Variants in CCDC91 observed in about 807,000 individuals in gnomAD.
The protein encoded by CCDC91 is coiled-coil domain-containing protein 91.
Under a neutral mutation model 63.2 loss-of-function variants are expected in CCDC91, and 48 were observed. The observed-to-expected ratio is 0.76, with a 90% CI of 0.60 to 0.97. The LOEUF (loss-of-function observed/expected upper bound fraction) is 0.97. CCDC91 is among the 50% of genes least tolerant of loss of function. CCDC91 has a pLI of 0.00. For missense variants in CCDC91, 500 were observed against 494.6 expected (o/e 1.01, Z -0.10); for synonymous variants, 167 against 165.8 (o/e 1.01, Z -0.06).
intron 8 of CCDC91, among the ~76,000 whole-genome samples, chr12:28,417,617 T>TGA (rs1191075256): frequency 6.7e-4 from 53 of 78,590 alleles, no homozygotes; most frequent in Middle Eastern, 5.7e-3. Context: ...CGTGAACCTT[T>TGA]GAGATATATA....
At chr12:28,275,936 A>G (rs1948187370) in intron 3 of CCDC91, among the ~76,000 whole-genome samples, 1 of 152,078 alleles carries the variant, frequency 6.6e-6, no homozygotes, top group South Asian at 2.1e-4. Flanking sequence ...TCATGCGAAA[A>G]ACTCTCAATA....
At chr12:28,307,570 C>T (rs1938875234) in intron 5 of CCDC91, 75 bp from the exon 6 acceptor site, 2 of 723,758 alleles carry the variant, frequency 2.8e-6, no homozygotes, top group Non-Finnish European at 2.3e-6. Context: ...TGTTTTCTGA[C>T]ATGTTCATTG....
chr12:28,475,497 C>T (rs1340319058), intron 11 of CCDC91, among the ~76,000 whole-genome samples: 2 of 152,034 alleles, frequency 1.3e-5, no homozygotes, highest in South Asian at 2.1e-4. Flanking sequence ...ATAGAGTTTA[C>T]AGAAGGGCTT....
intron 8 of CCDC91, among the ~76,000 whole-genome samples, chr12:28,419,338 A>G (rs1565943471): frequency 6.6e-6 from 1 of 152,204 alleles, no homozygotes; most frequent in African/African-American, 2.4e-5. Context: ...TAAAACTATC[A>G]TAACTATCAT....
Position 28,440,357 on chromosome 12 carries a change from G to A in CCDC91, c.763-9804G>A, listed in dbSNP as rs540652740. On this transcript the variant is annotated intron_variant, in intron 8 of 12. Coordinates refer to ENST00000536442, the MANE Select transcript of CCDC91 (RefSeq NM_018318.5). Reference sequence around the variant, plus strand: ...GCTGTGAAATGAACACAGCCTGCATGTGTCCTATGCCTTTAACCCAGTTCG... The same window carrying A: ...GCTGTGAAATGAACACAGCCTGCATATGTCCTATGCCTTTAACCCAGTTCG... 5.9e-4 allele frequency among the ~76,000 whole-genome samples: 90 copies of A among 152,286 alleles called. 1 individual carries two copies. The highest frequency in any genetic ancestry group is 2.0e-3 in the African/African-American group (84 of 41,572).
chr12:28,454,933 C>T (rs563577967), intron 11 of CCDC91, among the ~76,000 whole-genome samples: 20 of 152,064 alleles, frequency 1.3e-4, no homozygotes, highest in African/African-American at 1.7e-4. Context: ...GTGCATGCGT[C>T]GTTGTAAATT....
At chr12:28,377,782 A>G (rs1945041047) in intron 7 of CCDC91, among the ~76,000 whole-genome samples, 1 of 151,958 alleles carries the variant, frequency 6.6e-6, no homozygotes, top group Non-Finnish European at 1.5e-5. Flanking sequence ...AGACATACAG[A>G]CACACAAACT....
intron 3 of CCDC91, among the ~76,000 whole-genome samples, chr12:28,299,877 A>C (rs1937860972): frequency 6.7e-6 from 1 of 150,092 alleles, no homozygotes; most frequent in Admixed American, 6.6e-5. Flanking sequence ...AATGTTCTTT[A>C]TTTATTAGGA....
intron 8 of CCDC91, among the ~76,000 whole-genome samples, chr12:28,391,975 G>A (rs1431725428): frequency 6.6e-6 from 1 of 151,996 alleles, no homozygotes; most frequent in Non-Finnish European, 1.5e-5. Flanking sequence ...TATAAAATTT[G>A]GAATGTGAAA....
At chr12:28,261,980 A>G (rs1946849494) in intron 3 of CCDC91, among the ~76,000 whole-genome samples, 1 of 152,050 alleles carries the variant, frequency 6.6e-6, no homozygotes, top group African/African-American at 2.4e-5. Flanking sequence ...AGTTAAAGAC[A>G]TGGTGCATGT....
At chr12:28,248,480 T>G (rs927989167) in intron 1 of CCDC91, among the ~76,000 whole-genome samples, 1 of 152,140 alleles carries the variant, frequency 6.6e-6, no homozygotes, top group African/African-American at 2.4e-5. Context: ...CACCAAAATT[T>G]AAAGGATAGG....
intron 12 of CCDC91, among the ~76,000 whole-genome samples, chr12:28,502,233 G>C (rs1278943214): frequency 6.6e-6 from 1 of 151,874 alleles, no homozygotes; most frequent in Non-Finnish European, 1.5e-5. Flanking sequence ...CTTCAGCAAA[G>C]TCTCAGGATA....
At chr12:28,486,885 G>C (rs1484535623) in intron 12 of CCDC91, among the ~76,000 whole-genome samples, 1 of 151,970 alleles carries the variant, frequency 6.6e-6, no homozygotes, top group East Asian at 1.9e-4. Flanking sequence ...ATATTAAGGA[G>C]AATAAATCTA....
At chr12:28,320,317 C>A (rs1333681307) in intron 6 of CCDC91, among the ~76,000 whole-genome samples, 1 of 151,772 alleles carries the variant, frequency 6.6e-6, no homozygotes, top group African/African-American at 2.4e-5. Flanking sequence ...AAGGAACATT[C>A]CCAGAGTGCA....
At chr12:28,416,959 T>G in intron 8 of CCDC91, among the ~76,000 whole-genome samples, 1 of 152,154 alleles carries the variant, frequency 6.6e-6, no homozygotes, top group South Asian at 2.1e-4. Context: ...AATTTAGTTA[T>G]GTTGCTTTGA....
At chr12:28,524,331 A>G (rs1206771901) in intron 12 of CCDC91, among the ~76,000 whole-genome samples, 3 of 152,070 alleles carry the variant, frequency 2.0e-5, no homozygotes, top group Admixed American at 2.0e-4. Flanking sequence ...TTTAATCATA[A>G]AGGAATGTTG....
chr12:28,487,246 A>C (rs1167161899), intron 12 of CCDC91, among the ~76,000 whole-genome samples: 5 of 151,836 alleles, frequency 3.3e-5, no homozygotes, highest in Non-Finnish European at 7.4e-5. Context: ...TATTTTTAAT[A>C]TTTGAATGTT....
At chr12:28,354,571 A>T (rs552497309) in intron 6 of CCDC91, among the ~76,000 whole-genome samples, 4 of 152,316 alleles carry the variant, frequency 2.6e-5, no homozygotes, top group South Asian at 4.1e-4. Context: ...ATGAAGGCAA[A>T]TAATAATACT....
intron 8 of CCDC91, among the ~76,000 whole-genome samples, chr12:28,414,722 T>C (rs1947533427): frequency 6.6e-6 from 1 of 152,190 alleles, no homozygotes; most frequent in Non-Finnish European, 1.5e-5. Flanking sequence ...AAATTGGTAA[T>C]GATATATTGT....
Sources: allele counts gnomAD v4.1 joint callset (sites outside exome capture counted in the v4.1 genomes callset), GRCh38; gene constraint gnomAD v4.1.1; transcripts MANE v1.5; gene names NCBI Gene and HGNC (gene_info 2026-07-23, HGNC 2026-07-21).